The following NSD3 variants were observed in gnomAD, a reference collection of about 807,000 sequenced individuals.
NSD3 encodes the protein histone-lysine N-methyltransferase NSD3.
In NSD3, 24 loss-of-function variants were observed where a neutral mutation model predicts 160.8. The observed-to-expected ratio is 0.15, with a 90% CI of 0.11 to 0.21. The LOEUF (loss-of-function observed/expected upper bound fraction) is 0.21. Ranked by LOEUF, NSD3 falls within the 10% of genes least tolerant of loss-of-function variation. NSD3 has a pLI of 1.00. For synonymous variants in NSD3, 520 were observed against 600.0 expected (o/e 0.87, Z 1.95); for missense variants, 1,157 against 1,735.9 (o/e 0.67, Z 5.93).
chr8:38,281,611 TA>T (rs756493912), intron 19 of NSD3, 28 bp from the exon 20 acceptor site: 1 of 1,483,296 alleles, frequency 6.7e-7, no homozygotes, highest in African/African-American at 1.4e-5. Context: ...ATATGTAACT[TA>T]AAATCAGTGT....
Position 38,321,120 on chromosome 8 carries a change from T to C in NSD3, c.1761A>G (p.Ser587=), listed in dbSNP as rs1809788203. 6.2e-7 allele frequency: 1 copy of C among 1,613,514 alleles called. No homozygotes were observed. Among genetic ancestry groups the C allele is most frequent in the Non-Finnish European group, 8.5e-7 (1 of 1,179,894 alleles). Residue 587 remains serine, a synonymous_variant, in exon 8 of 24, where the codon TCA becomes TCG. Coordinates refer to ENST00000317025, the MANE Select transcript of NSD3 (RefSeq NM_023034.2). This position sits in a 1 kb window ranked among gnomAD's most constrained non-coding sequence, Gnocchi z 4.7. The part of the protein sequence containing the change: ...QRRSIRTRSE[S]EKSTEVVPKK... ...TTGGCACAACCTCAGTGGATTTCTCTGATTCAGAACGAGTTCTAATTGATC... is the reference window on the plus strand; with the variant it reads ...TTGGCACAACCTCAGTGGATTTCTCCGATTCAGAACGAGTTCTAATTGATC...
chr8:38,377,333 C>T (rs1811418703), intron 1 of NSD3, among the ~76,000 whole-genome samples: 1 of 152,020 alleles, frequency 6.6e-6, no homozygotes, highest in South Asian at 2.1e-4. Context: ...GAATTACAGA[C>T]GTGAGCCACC....
chr8:38,290,723 A>T (rs753207898), intron 16 of NSD3, 46 bp from the exon 17 acceptor site: 1 of 1,596,196 alleles, frequency 6.3e-7, no homozygotes, highest in Non-Finnish European at 8.6e-7. Flanking sequence ...AAACGAAACA[A>T]AAAACCACTA....
At chr8:38,304,518 G>GA in intron 14 of NSD3, 69 bp downstream of exon 14, 1 of 1,498,668 alleles carries the variant, frequency 6.7e-7, no homozygotes, top group Non-Finnish European at 9.0e-7. Flanking sequence ...CCAATGCTGA[G>GA]ACTCTATGTT....
intron 12 of NSD3, among the ~76,000 whole-genome samples, chr8:38,311,301 T>G (rs977666149): frequency 6.6e-6 from 1 of 152,162 alleles, no homozygotes; most frequent in African/African-American, 2.4e-5. Context: ...GCTCAAGATC[T>G]TTGCCCAATT....
intron 1 of NSD3, among the ~76,000 whole-genome samples, chr8:38,378,825 C>CAAAAAAAA (rs201408423): frequency 1.1e-5 from 1 of 87,370 alleles, no homozygotes; most frequent in Non-Finnish European, 2.4e-5. Context: ...CTCCATCTCT[C>CAAAAAAAA]AAAAAAAAAA....
chr8:38,272,052 A>C lies in NSD3; in HGVS notation c.*3589T>G, dbSNP rs1449045448. 6.6e-6 allele frequency: 1 copy of C among 152,260 alleles called. No homozygotes were observed. Among genetic ancestry groups the C allele is most frequent in the Non-Finnish European group, 1.5e-5 (1 of 68,052 alleles). 9.4% of individuals were successfully genotyped at this position (152,260 alleles called of 1,614,324 possible). A position where few individuals can be genotyped will look rare whatever the true frequency, so the allele number is the denominator to read the frequency against. On this transcript the variant is annotated 3_prime_UTR_variant, in exon 24 of 24. Coordinates refer to ENST00000317025, the MANE Select transcript of NSD3 (RefSeq NM_023034.2). ...CTACTCAAAAAGGAAATTCCACTTC[A>C]TGAACCAGGAAAGTTGTCCAATAGC...
intron 1 of NSD3, among the ~76,000 whole-genome samples, chr8:38,369,219 G>A (rs796199210): frequency 1.2e-3 from 185 of 152,186 alleles, no homozygotes; most frequent in African/African-American, 4.2e-3. Flanking sequence ...TTCAAAATAA[G>A]TAATAAAAGT....
At chr8:38,356,134 G>GTAA (rs1194297579) in intron 1 of NSD3, among the ~76,000 whole-genome samples, 1 of 152,132 alleles carries the variant, frequency 6.6e-6, no homozygotes. Context: ...GTACTTTCAA[G>GTAA]TAAATGAAAT....
intron 1 of NSD3, among the ~76,000 whole-genome samples, chr8:38,353,357 A>G (rs1810747408): frequency 6.6e-6 from 1 of 152,276 alleles, no homozygotes; most frequent in Admixed American, 6.5e-5. Context: ...AGCATGGACC[A>G]ACTACACAGG....
intron 1 of NSD3, among the ~76,000 whole-genome samples, chr8:38,366,158 T>C (rs1328071879): frequency 2.0e-5 from 3 of 151,600 alleles, no homozygotes; most frequent in Non-Finnish European, 2.9e-5. Context: ...ATGCATTCTG[T>C]ATTTAAATCA....
chr8:38,316,855 G>C lies in NSD3; in HGVS notation c.1856-813C>G. 9.4e-7 allele frequency: 1 copy of C among 1,062,480 alleles called. No homozygotes were observed. Among genetic ancestry groups the C allele is most frequent in the African/African-American group, 1.6e-5 (1 of 60,960 alleles). The allele number at this position is 1,062,480 out of a possible 1,614,324, so 65.8% of individuals were successfully genotyped here. ...TAATACAAATCCAGCCAAAACAATA[G>C]TGCAAAAAGTTACAAAGCAACAATC... On this transcript the variant is annotated intron_variant, in intron 9 of 23. Coordinates refer to ENST00000317025, the MANE Select transcript of NSD3 (RefSeq NM_023034.2). The surrounding 1 kb of genome is among the most constrained non-coding windows in gnomAD (Gnocchi z 4.5).
At chr8:38,292,963 C>T (rs1323952611) in intron 16 of NSD3, among the ~76,000 whole-genome samples, 1 of 145,576 alleles carries the variant, frequency 6.9e-6, no homozygotes, top group Non-Finnish European at 1.5e-5. Flanking sequence ...CAGAGCGAGA[C>T]TCTGTCTCAA....
At chr8:38,276,887 T>C (rs1448884137) in intron 22 of NSD3, among the ~76,000 whole-genome samples, 1 of 152,124 alleles carries the variant, frequency 6.6e-6, no homozygotes, top group East Asian at 1.9e-4. Context: ...AGGGTCTTGC[T>C]ACATTGCCCA....
intron 6 of NSD3, among the ~76,000 whole-genome samples, 197 bp from the exon 7 acceptor site, chr8:38,327,053 A>ATT (rs770565179): frequency 3.4e-5 from 5 of 145,774 alleles, no homozygotes; most frequent in Admixed American, 6.9e-5. Context: ...ATTAAAAACA[A>ATT]TTTTTTTTTT....
chr8:38,364,949 A>T (rs1563369574), intron 1 of NSD3, among the ~76,000 whole-genome samples: 2 of 152,226 alleles, frequency 1.3e-5, no homozygotes, highest in African/African-American at 4.8e-5. Context: ...TTCACATTTT[A>T]AAACACTACT....
chr8:38,315,862 G>A, intron 10 of NSD3, 50 bp downstream of exon 10: 2 of 1,570,218 alleles, frequency 1.3e-6, no homozygotes, highest in Non-Finnish European at 1.7e-6. Flanking sequence ...TAAGGGAAAA[G>A]CATTATGTTC....
At chr8:38,279,255 G>T (rs922969179) in intron 21 of NSD3, among the ~76,000 whole-genome samples, 4 of 152,228 alleles carry the variant, frequency 2.6e-5, no homozygotes, top group Non-Finnish European at 4.4e-5. Context: ...CTAACTTGGA[G>T]AATTCGTTCA....
chr8:38,377,968 T>C (rs868351363), intron 1 of NSD3, among the ~76,000 whole-genome samples: 20 of 152,066 alleles, frequency 1.3e-4, no homozygotes, highest in African/African-American at 4.1e-4. Context: ...AAAATGCAGA[T>C]AGTATGATCC....
Sources: allele counts gnomAD v4.1 joint callset (sites outside exome capture counted in the v4.1 genomes callset), GRCh38; gene constraint gnomAD v4.1.1; non-coding constraint Gnocchi (gnomAD v3.1); transcripts MANE v1.5; gene names NCBI Gene and HGNC (gene_info 2026-07-23, HGNC 2026-07-21).